Variants in FRMD6 observed in about 807,000 individuals in gnomAD.
The protein encoded by FRMD6 is FERM domain containing 6, also known as FERM domain-containing protein 6.
A neutral mutation model predicts 73.2 loss-of-function variants in FRMD6; 37 were observed. The ratio of observed to expected loss-of-function variants is 0.51; its 90% CI spans 0.39 to 0.66. FRMD6 has a LOEUF of 0.66. Ranked by LOEUF, FRMD6 falls within the 30% of genes least tolerant of loss-of-function variation. FRMD6 has a pLI of 0.00. For missense variants in FRMD6, 714 were observed against 780.5 expected (o/e 0.91, Z 1.02); for synonymous variants, 273 against 282.2 (o/e 0.97, Z 0.33).
chr14:51,515,262 G>A (rs1269126887), intron 1 of FRMD6, among the ~76,000 whole-genome samples: 1 of 152,212 alleles, frequency 6.6e-6, no homozygotes, highest in South Asian at 2.1e-4. Context: ...TCATCCCTGT[G>A]TCTGAATGCT....
chr14:51,504,622 G>T (rs915774939), intron 1 of FRMD6, among the ~76,000 whole-genome samples: 1 of 152,020 alleles, frequency 6.6e-6, no homozygotes, highest in Non-Finnish European at 1.5e-5. Context: ...TTTCTCACCG[G>T]ACCTCTTCAG....
chr14:51,684,621 A>G (rs8011185), intron 1 of FRMD6, among the ~76,000 whole-genome samples: 60,486 of 151,912 alleles, frequency 0.4, 12,224 homozygotes, highest in African/African-American at 0.47. Flanking sequence ...GGAATGTCTG[A>G]GGGCATTTGG....
chr14:51,480,970 C>T, the FRMD6 span, among the ~76,000 whole-genome samples: 1 of 152,146 alleles, frequency 6.6e-6, no homozygotes, highest in Non-Finnish European at 1.5e-5. Flanking sequence ...AAAAGATATG[C>T]TGAAAGCATA....
intron 1 of FRMD6, among the ~76,000 whole-genome samples, chr14:51,512,039 T>C (rs1277016094): frequency 6.6e-6 from 1 of 152,182 alleles, no homozygotes; most frequent in Non-Finnish European, 1.5e-5. Flanking sequence ...AATCATATGA[T>C]TTTTTTCAAT....
chr14:51,585,347 C>T (rs369665717), intron 2 of FRMD6, among the ~76,000 whole-genome samples: 1 of 152,092 alleles, frequency 6.6e-6, no homozygotes, highest in Non-Finnish European at 1.5e-5. Context: ...GGGAGTGACC[C>T]CTTTCTCCTT....
At chr14:51,577,505 C>G (rs1888469170) in intron 2 of FRMD6, among the ~76,000 whole-genome samples, 1 of 152,202 alleles carries the variant, frequency 6.6e-6, no homozygotes, top group Admixed American at 6.5e-5. Context: ...GAGTAATTCA[C>G]AGATTCTTCC....
chr14:51,717,166 A>G (rs1009297142), intron 10 of FRMD6: 1 of 152,012 alleles, frequency 6.6e-6, no homozygotes, highest in African/African-American at 2.4e-5. Flanking sequence ...TTAAGTGAGT[A>G]GGTGTCTTTG....
At chr14:51,715,089 G>A (rs1361651408) in intron 9 of FRMD6, 1 of 328,064 alleles carries the variant, frequency 3.0e-6, no homozygotes, top group Admixed American at 4.7e-5. Flanking sequence ...AGCTGTTTTG[G>A]ATAGTCAGTG....
At chr14:51,546,009 A>G (rs1886446905) in intron 1 of FRMD6, among the ~76,000 whole-genome samples, 1 of 152,194 alleles carries the variant, frequency 6.6e-6, no homozygotes, top group Non-Finnish European at 1.5e-5. Context: ...AATTTAAAAT[A>G]TTCACTCTAT....
At chr14:51,507,081 T>TAG (rs1740539706) in intron 1 of FRMD6, among the ~76,000 whole-genome samples, 1 of 120,310 alleles carries the variant, frequency 8.3e-6, no homozygotes, top group Non-Finnish European at 1.8e-5. Context: ...ATTGGTTGTA[T>TAG]AGACACACAC....
At chr14:51,418,375 C>T in the FRMD6 span, among the ~76,000 whole-genome samples, 3 of 152,156 alleles carry the variant, frequency 2.0e-5, no homozygotes, top group Non-Finnish European at 4.4e-5. Context: ...TGATGCTGTT[C>T]CTTTCCGTTT....
upstream of FRMD6, among the ~76,000 whole-genome samples, chr14:51,487,332 A>G (rs2140154454): frequency 6.6e-6 from 1 of 152,366 alleles, no homozygotes; most frequent in East Asian, 1.9e-4. Flanking sequence ...CAAAATCAGT[A>G]AAATACAAAA....
upstream of FRMD6, chr14:51,651,763 C>A (rs1892405539): frequency 2.1e-5 from 3 of 144,970 alleles, no homozygotes; most frequent in South Asian, 6.6e-4. Context: ...GCTCCCGCGG[C>A]TCGGCTGCCG....
intron 7 of FRMD6, among the ~76,000 whole-genome samples, chr14:51,710,796 A>G (rs1896900534): frequency 6.6e-6 from 1 of 152,148 alleles, no homozygotes; most frequent in Non-Finnish European, 1.5e-5. Flanking sequence ...CTTATTACAG[A>G]TGAGCACTTA....
chr14:51,499,299 A>G (rs1005193150), intron 1 of FRMD6, among the ~76,000 whole-genome samples: 25 of 152,238 alleles, frequency 1.6e-4, no homozygotes, highest in African/African-American at 5.8e-4. Context: ...TCATTAATAT[A>G]CAAGAGAAAG....
At chr14:51,424,896 C>T in the FRMD6 span, among the ~76,000 whole-genome samples, 1,007 of 152,322 alleles carry the variant, frequency 6.6e-3, 9 homozygotes, top group Non-Finnish European at 9.8e-3. Context: ...TCCAGATCAA[C>T]TCCCTTCTCT....
intron 1 of FRMD6, among the ~76,000 whole-genome samples, chr14:51,524,969 T>C (rs1325345233): frequency 6.7e-6 from 1 of 148,880 alleles, no homozygotes; most frequent in Non-Finnish European, 1.5e-5. Flanking sequence ...TTTTTCTTTT[T>C]GTATCTCTCT....
the FRMD6 span, among the ~76,000 whole-genome samples, chr14:51,452,076 C>T: frequency 6.6e-6 from 1 of 152,108 alleles, no homozygotes; most frequent in Non-Finnish European, 1.5e-5. Context: ...TTGAATACAG[C>T]ATACATTGAA....
intron 7 of FRMD6, among the ~76,000 whole-genome samples, chr14:51,711,186 A>C (rs1033417743): frequency 4.6e-5 from 7 of 151,882 alleles, no homozygotes; most frequent in Non-Finnish European, 8.8e-5. Context: ...AAAATCAAAC[A>C]ATGCAAAAGC....
Sources: gnomAD v4.1 joint callset for allele counts (sites outside exome capture counted in the v4.1 genomes callset) on GRCh38, gnomAD v4.1.1 for gene constraint, MANE v1.5 for transcripts, NCBI Gene and HGNC (gene_info 2026-07-23, HGNC 2026-07-21) for gene names.